MBP: variants seen among roughly 807,000 people sequenced by gnomAD.
MBP encodes Golli-MBP.
In MBP, 16 loss-of-function variants were observed where a neutral mutation model predicts 35.8. The ratio of observed to expected loss-of-function variants is 0.45; its 90% CI spans 0.30 to 0.68. The LOEUF is 0.68. Among genes scored for constraint, MBP ranks in the 30% least tolerant of loss-of-function variants. The pLI, the probability that MBP is intolerant of heterozygous loss-of-function variation, is 0.08. For synonymous variants in MBP, 143 were observed against 159.6 expected (o/e 0.90, Z 0.78); for missense variants, 380 against 404.7 (o/e 0.94, Z 0.52).
chr18:77,022,412 A>G (rs992756209), intron 3 of MBP, among the ~76,000 whole-genome samples: 3 of 152,226 alleles, frequency 2.0e-5, no homozygotes, highest in Admixed American at 6.5e-5. Flanking sequence ...CCGTTCTTCC[A>G]TGACCACTGG....
At chr18:77,104,968 C>T (rs1047591827) in intron 2 of MBP, among the ~76,000 whole-genome samples, 2 of 151,998 alleles carry the variant, frequency 1.3e-5, no homozygotes, top group Admixed American at 1.3e-4. Flanking sequence ...TTCCTTTATT[C>T]CTTTGCAAGG....
rs373910108 is a variant in MBP, at chr18:77,044,051, G to A, written c.139+22247C>T. ...CCTCTCTGCCTCCTCCCTGGAGGCC[G>A]TGCAAATCCTGTTCTCCTTCCAGCG... is the stretch of plus-strand genomic sequence containing the variant. On this transcript the variant is annotated intron_variant, in intron 3 of 8. Coordinates refer to ENST00000355994, the MANE Select transcript of MBP (RefSeq NM_001025101.2). The surrounding 1 kb of genome is among the most constrained non-coding windows in gnomAD (Gnocchi z 4.4). Among the ~76,000 whole-genome samples, 20 of 146,724 alleles carry A rather than the reference G, an allele frequency of 1.4e-4. No homozygotes were observed. Among genetic ancestry groups the A allele is most frequent in the African/African-American group, 3.2e-4 (13 of 40,818 alleles).
intron 3 of MBP, among the ~76,000 whole-genome samples, chr18:77,038,453 C>T (rs1972860578): frequency 6.6e-6 from 1 of 152,242 alleles, no homozygotes; most frequent in African/African-American, 2.4e-5. Context: ...GTGGCCCTTA[C>T]TCAACAGCAC....
chr18:77,009,972 G>A lies in MBP; in HGVS notation c.576+6860C>T, dbSNP rs200533859. On this transcript the variant is annotated intron_variant, in intron 4 of 8. Coordinates refer to ENST00000355994, the MANE Select transcript of MBP (RefSeq NM_001025101.2). Reference sequence around the variant, plus strand: ...GGCTGCGTGAGTCCGGGTGGGCGCCGCCGGCAATGCCCCAAAGTCCTCCAG... The same window carrying A: ...GGCTGCGTGAGTCCGGGTGGGCGCCACCGGCAATGCCCCAAAGTCCTCCAG... 2.0e-5 allele frequency: 27 copies of A among 1,335,234 alleles called. No homozygotes were observed. The East Asian group carries it at 2.5e-4, about 12-fold the overall frequency. The allele number at this position is 1,335,234 out of a possible 1,614,324, so 82.7% of individuals were successfully genotyped here.
chr18:76,989,002 G>GCAT lies in MBP; in HGVS notation c.682-93_682-91dup. On this transcript the variant is annotated intron_variant, in intron 5 of 8. Coordinates refer to ENST00000355994, the MANE Select transcript of MBP (RefSeq NM_001025101.2). The surrounding 1 kb of genome is among the most constrained non-coding windows in gnomAD (Gnocchi z 4.0). Reference sequence around the variant, plus strand: ...GGCTCCTGCCTGCTGAGGGTGGCTAGCATCCATCAGCTGCCAGAAGCACCC... The same window carrying GCAT: ...GGCTCCTGCCTGCTGAGGGTGGCTAGCATCATCCATCAGCTGCCAGAAGCACCC... 1 of 1,267,140 alleles carries GCAT rather than the reference G, an allele frequency of 7.9e-7. No individual in the cohort carries two copies. Among genetic ancestry groups the GCAT allele is most frequent in the Non-Finnish European group, 1.2e-6 (1 of 863,590 alleles). 78.5% of individuals were successfully genotyped at this position (1,267,140 alleles called of 1,614,324 possible).
Position 77,024,886 on chromosome 18 carries a change from G to A in MBP, c.140-7618C>T, listed in dbSNP as rs558273249. Among the ~76,000 whole-genome samples, 159 of 152,270 alleles carry A rather than the reference G, an allele frequency of 1.0e-3. 2 individuals are homozygous for A. Among genetic ancestry groups the A allele is most frequent in the African/African-American group, 3.6e-3 (150 of 41,538 alleles). The stretch of plus-strand genomic sequence containing the variant: ...CTGAAATAACCCCAGGCTCCTTTCC[G>A]CAGCAGCACACTGACCTGGGTGACG... On this transcript the variant is annotated intron_variant, in intron 3 of 8. Coordinates refer to ENST00000355994, the MANE Select transcript of MBP (RefSeq NM_001025101.2).
intron 1 of MBP, chr18:77,109,435 G>T (rs1408698001): frequency 6.6e-6 from 1 of 152,224 alleles, no homozygotes; most frequent in Non-Finnish European, 1.5e-5. Flanking sequence ...AAAAAGTGAA[G>T]AGGAAGGACA....
intron 3 of MBP, among the ~76,000 whole-genome samples, chr18:77,039,615 G>T (rs534863079): frequency 6.6e-6 from 1 of 152,314 alleles, no homozygotes; most frequent in East Asian, 1.9e-4. Context: ...AGGGGAGGGT[G>T]AACAGCACCC....
chr18:77,016,887 G>A lies in MBP; in HGVS notation c.521C>T (p.Ser174Phe), dbSNP rs1488047563. The change falls in exon 4 of 9, where the codon TCC (serine) becomes TTC (phenylalanine). Residue 174 changes from serine (S) to phenylalanine (F), a missense_variant. Physicochemically the swap from Ser to Phe is radical, Grantham distance 155 (BLOSUM62 -2). Transcript: ENST00000355994. ...GTCACCGCCAAAGAAGCGCCCGATG[G>A]AGTCAAGGATGCCCGTGTCTCTGTG... ...PRHRDTGILDSIGRFFGGDRG... is the reference protein window; with the variant it reads ...PRHRDTGILDFIGRFFGGDRG... The A allele has an allele frequency of 6.2e-7, 1 of 1,614,266 alleles. No individual in the cohort carries two copies. Among genetic ancestry groups the A allele is most frequent in the Admixed American group, 1.7e-5 (1 of 60,032 alleles).
chr18:77,133,037 G>A (rs1344228309), upstream of MBP, among the ~76,000 whole-genome samples: 1 of 152,122 alleles, frequency 6.6e-6, no homozygotes, highest in Non-Finnish European at 1.5e-5. Context: ...TGCCGAACTG[G>A]GCTCCGAACT....
chr18:76,987,632 G>A (rs1969631663), intron 7 of MBP: 1 of 985,856 alleles, frequency 1.0e-6, no homozygotes, highest in South Asian at 4.7e-5. Context: ...AGCAGAAAGT[G>A]TAGGTAGGCT....
At chr18:77,125,519 A>G (rs1451714221) in intron 1 of MBP, among the ~76,000 whole-genome samples, 1 of 152,180 alleles carries the variant, frequency 6.6e-6, no homozygotes. Flanking sequence ...TATATGTCAT[A>G]TAATCCCACG....
intron 1 of MBP, among the ~76,000 whole-genome samples, chr18:77,128,380 A>G (rs1043498078): frequency 7.9e-5 from 12 of 152,112 alleles, no homozygotes; most frequent in African/African-American, 2.4e-4. Flanking sequence ...AGCCTCAGGG[A>G]GGGGGAAGGA....
intron 3 of MBP, among the ~76,000 whole-genome samples, chr18:77,033,949 TC>T (rs1972646518): frequency 6.9e-6 from 1 of 145,624 alleles, no homozygotes; most frequent in East Asian, 2.0e-4. Flanking sequence ...CTCCCACTAA[TC>T]CTCACCCTGA....
intron 2 of MBP, among the ~76,000 whole-genome samples, chr18:77,071,604 G>A (rs1016693396): frequency 6.6e-6 from 1 of 152,158 alleles, no homozygotes; most frequent in Non-Finnish European, 1.5e-5. Context: ...GACACTTGAA[G>A]CCTTGAGTGG....
chr18:77,030,583 T>G (rs1308239865), intron 3 of MBP, among the ~76,000 whole-genome samples: 1 of 152,242 alleles, frequency 6.6e-6, no homozygotes, highest in African/African-American at 2.4e-5. Context: ...AATAAATCCA[T>G]ATATCTAAAT....
chr18:77,046,572 T>C (rs470866), intron 3 of MBP, among the ~76,000 whole-genome samples: 132,649 of 152,282 alleles, frequency 0.87, 58,351 homozygotes, highest in South Asian at 0.93. Context: ...ACCAGCTGTC[T>C]TCCCTGCACC....
rs377340206 is a variant in MBP, at chr18:77,030,421, G to A, written c.140-13153C>T. Reference sequence around the variant, plus strand: ...GACGGGAAGGGACAGGAAGGGACGGGAAGCTTTGGTTACTTTTGTCTTAAA... The same window carrying A: ...GACGGGAAGGGACAGGAAGGGACGGAAAGCTTTGGTTACTTTTGTCTTAAA... On this transcript the variant is annotated intron_variant, in intron 3 of 8. Transcript: ENST00000355994. 4.6e-5 allele frequency among the ~76,000 whole-genome samples: 7 copies of A among 152,320 alleles called. No homozygotes were observed. In the South Asian group the frequency reaches 6.2e-4, roughly 14 times the overall value.
At chr18:77,051,161 C>T (rs11150996) in intron 3 of MBP, among the ~76,000 whole-genome samples, 78,343 of 152,020 alleles carry the variant, frequency 0.52, 21,159 homozygotes, top group Admixed American at 0.6. Context: ...GACAGCCTTC[C>T]GGTGTAAATT....
Sources: gnomAD v4.1 joint callset for allele counts (sites outside exome capture counted in the v4.1 genomes callset) on GRCh38, gnomAD v4.1.1 for gene constraint, Gnocchi (gnomAD v3.1) non-coding constraint, MANE v1.5 for transcripts, NCBI Gene and HGNC (gene_info 2026-07-23, HGNC 2026-07-21) for gene names.